Variants in ARHGAP15 observed in about 807,000 individuals in gnomAD.
ARHGAP15 encodes the protein rho GTPase-activating protein 15.
ARHGAP15 carries 51 observed loss-of-function variants against 63.7 expected under a neutral mutation model. The ratio of observed to expected loss-of-function variants is 0.80; its 90% CI spans 0.64 to 1.01. The LOEUF is 1.01. Ranked by LOEUF, ARHGAP15 falls within the 50% of genes least tolerant of loss-of-function variation. The probability of loss-of-function intolerance (pLI) is 0.00; values close to 1 mark genes in which losing one functional copy is unlikely to be tolerated. For missense variants in ARHGAP15, 560 were observed against 564.6 expected (o/e 0.99, Z 0.08); for synonymous variants, 191 against 193.8 (o/e 0.99, Z 0.12).
chr2:143,637,110 C>G (rs569479930), intron 12 of ARHGAP15, among the ~76,000 whole-genome samples: 3 of 152,030 alleles, frequency 2.0e-5, no homozygotes, highest in Admixed American at 1.3e-4. Flanking sequence ...TGTTGCCCCC[C>G]CCAAAGACCC....
At chr2:143,565,857 A>G (rs1485521399) in intron 11 of ARHGAP15, among the ~76,000 whole-genome samples, 1 of 152,210 alleles carries the variant, frequency 6.6e-6, no homozygotes, top group Non-Finnish European at 1.5e-5. Flanking sequence ...TGCTCTTGCT[A>G]ACCCCCAGGC....
At chr2:143,220,352 G>A (rs1355646644) in intron 4 of ARHGAP15, among the ~76,000 whole-genome samples, 1 of 151,988 alleles carries the variant, frequency 6.6e-6, no homozygotes, top group Non-Finnish European at 1.5e-5. Flanking sequence ...GGGACCACAG[G>A]TACACACCAC....
At chr2:143,181,027 T>C (rs1691216263) in intron 2 of ARHGAP15, among the ~76,000 whole-genome samples, 3 of 152,224 alleles carry the variant, frequency 2.0e-5, no homozygotes, top group Admixed American at 1.3e-4. Flanking sequence ...ACTTGATCCA[T>C]GAGCTGCAGA....
chr2:143,642,152 G>A (rs1348167492), intron 12 of ARHGAP15, among the ~76,000 whole-genome samples: 2 of 152,144 alleles, frequency 1.3e-5, no homozygotes, highest in African/African-American at 4.8e-5. Flanking sequence ...AGAAAAGAAT[G>A]AAAGGATTTA....
At chr2:143,537,325 G>T (rs56906855) in intron 10 of ARHGAP15, among the ~76,000 whole-genome samples, 1 of 151,906 alleles carries the variant, frequency 6.6e-6, no homozygotes, top group Non-Finnish European at 1.5e-5. Flanking sequence ...CCATTCTGTA[G>T]GTTGCCTGTT....
intron 6 of ARHGAP15, among the ~76,000 whole-genome samples, chr2:143,429,250 A>T (rs1174186061): frequency 3.3e-4 from 49 of 149,760 alleles, no homozygotes; most frequent in Non-Finnish European, 6.4e-4. Flanking sequence ...TGTTTGAAAT[A>T]AATTTTGGGT....
In ARHGAP15 at chr2:143,331,808, A is replaced by T. The variant is rs371180387; in HGVS notation, c.474+81208A>T. On this transcript the variant is annotated intron_variant, in intron 6 of 13. Transcript: ENST00000295095. ...AGAGGTAGGGTTAATATCATTTCTT[A>T]AGCCTGACCTCAGGTTTAACTTGTG... 8.4e-4 allele frequency among the ~76,000 whole-genome samples: 128 copies of T among 152,268 alleles called. 4 individuals are homozygous for T. The South Asian group carries it at 0.024, about 28-fold the overall frequency.
chr2:143,698,302 TTTATC>T (rs1259213832), intron 12 of ARHGAP15, among the ~76,000 whole-genome samples: 1 of 152,176 alleles, frequency 6.6e-6, no homozygotes, highest in Non-Finnish European at 1.5e-5. Flanking sequence ...CATATACAGC[TTTATC>T]TTATCTCTTT....
Position 143,703,479 on chromosome 2 carries a change from C to T in ARHGAP15, c.1199C>T (p.Pro400Leu), listed in dbSNP as rs201019600. The T allele has an allele frequency of 5.3e-5, 86 of 1,612,576 alleles. No homozygotes were observed. The highest frequency in any genetic ancestry group is 6.7e-5 in the Non-Finnish European group (79 of 1,179,424). Residue 400 changes from proline to leucine, a missense_variant, in exon 13 of 14, where the codon CCG (proline) becomes CTG (leucine). Coordinates refer to ENST00000295095, the MANE Select transcript of ARHGAP15 (RefSeq NM_018460.4). ...AAATCTCTTGTACAAAAACTCCCTC[C>T]GCCAAATCGTGACACCATGAAAGTC... ...AVKSLVQKLPPPNRDTMKVLF... is the reference protein window; with the variant it reads ...AVKSLVQKLPLPNRDTMKVLF...
intron 6 of ARHGAP15, among the ~76,000 whole-genome samples, chr2:143,295,233 G>A (rs1682584593): frequency 6.6e-6 from 1 of 151,994 alleles, no homozygotes; most frequent in Admixed American, 6.6e-5. Context: ...GTTTCTTCCT[G>A]AAAGAAACTT....
chr2:143,678,010 C>T (rs1027455739), intron 12 of ARHGAP15, among the ~76,000 whole-genome samples: 1 of 152,160 alleles, frequency 6.6e-6, no homozygotes, highest in Non-Finnish European at 1.5e-5. Flanking sequence ...GAGTCCAAGA[C>T]CAGCCTGGGC....
At chr2:143,527,754 A>G (rs949778657) in intron 10 of ARHGAP15, among the ~76,000 whole-genome samples, 2 of 152,134 alleles carry the variant, frequency 1.3e-5, no homozygotes, top group Non-Finnish European at 2.9e-5. Flanking sequence ...TACCTAACAC[A>G]TAATGAATTC....
intron 9 of ARHGAP15, among the ~76,000 whole-genome samples, chr2:143,492,005 C>A (rs1486535097): frequency 1.3e-5 from 2 of 152,166 alleles, no homozygotes; most frequent in African/African-American, 4.8e-5. Flanking sequence ...CCTCAGCTTC[C>A]TGAGTAGCTG....
At chr2:143,165,677 G>T (rs1194345964) in intron 2 of ARHGAP15, among the ~76,000 whole-genome samples, 2 of 152,004 alleles carry the variant, frequency 1.3e-5, no homozygotes. Flanking sequence ...CTTAGCTCAG[G>T]TTAGACAAAC....
At chr2:143,295,923 CCTTCTA>C (rs1682613466) in intron 6 of ARHGAP15, among the ~76,000 whole-genome samples, 2 of 151,950 alleles carry the variant, frequency 1.3e-5, no homozygotes, top group Admixed American at 6.6e-5. Context: ...ACAAATGTCA[CCTTCTA>C]CTCATTTCAA....
At chr2:143,342,935 C>A (rs930310944) in intron 6 of ARHGAP15, among the ~76,000 whole-genome samples, 1 of 151,922 alleles carries the variant, frequency 6.6e-6, no homozygotes, top group South Asian at 2.1e-4. Context: ...ACTACCTAAC[C>A]GCATATATGT....
intron 13 of ARHGAP15, among the ~76,000 whole-genome samples, chr2:143,732,311 AC>A (rs1685570395): frequency 6.6e-6 from 1 of 152,134 alleles, no homozygotes; most frequent in African/African-American, 2.4e-5. Context: ...AGCATTTGGA[AC>A]CTCATAGCAT....
At chr2:143,144,668 T>C (rs1689507345) in intron 1 of ARHGAP15, among the ~76,000 whole-genome samples, 1 of 152,004 alleles carries the variant, frequency 6.6e-6, no homozygotes, top group Admixed American at 6.6e-5. Flanking sequence ...CACCTATGTG[T>C]CTATTTATCT....
intron 4 of ARHGAP15, among the ~76,000 whole-genome samples, chr2:143,227,274 G>A (rs954282072): frequency 2.6e-5 from 4 of 152,004 alleles, no homozygotes; most frequent in Non-Finnish European, 4.4e-5. Context: ...CTCAAAAGCC[G>A]CGATTTTACC....
Sources: gnomAD v4.1 joint callset for allele counts (sites outside exome capture counted in the v4.1 genomes callset) on GRCh38, gnomAD v4.1.1 for gene constraint, MANE v1.5 for transcripts, NCBI Gene and HGNC (gene_info 2026-07-23, HGNC 2026-07-21) for gene names.